Variants in GALNTL6 observed in about 807,000 individuals in gnomAD.
GALNTL6 encodes the protein polypeptide N-acetylgalactosaminyltransferase like 6.
Under a neutral mutation model 73.7 loss-of-function variants are expected in GALNTL6, and 46 were observed. That is an observed-to-expected ratio of 0.62 (90% CI 0.49 to 0.80). The LOEUF is 0.80. GALNTL6 is among the 30% of genes least tolerant of loss of function. The pLI is 0.00. For missense variants in GALNTL6, 604 were observed against 755.0 expected, an observed-to-expected ratio of 0.80 and a Z score of 2.34; for synonymous variants, 259 against 263.7, an observed-to-expected ratio of 0.98 and a Z score of 0.17.
chr4:172,108,474 A>G (rs10019010), intron 2 of GALNTL6, among the ~76,000 whole-genome samples: 60,978 of 151,964 alleles, frequency 0.4, 12,823 homozygotes, highest in African/African-American at 0.5. Flanking sequence ...CTAAACAGTC[A>G]GGAAGTCAAA....
At chr4:172,861,329 G>GTGTT (rs386402299) in intron 7 of GALNTL6, among the ~76,000 whole-genome samples, 1 of 150,544 alleles carries the variant, frequency 6.6e-6, no homozygotes, top group Non-Finnish European at 1.5e-5. Flanking sequence ...ATGTGTGTGT[G>GTGTT]TGTGTGTGTG....
At chr4:172,275,330 TTCTTACCATGTAG>T (rs1738790500) in intron 3 of GALNTL6, among the ~76,000 whole-genome samples, 1 of 152,234 alleles carries the variant, frequency 6.6e-6, no homozygotes, top group Non-Finnish European at 1.5e-5. Flanking sequence ...AAATAATTTA[TTCTTACCATGTAG>T]AATCACATTG....
chr4:172,262,848 A>T (rs1046587850), intron 3 of GALNTL6, among the ~76,000 whole-genome samples: 6 of 151,572 alleles, frequency 4.0e-5, no homozygotes, highest in African/African-American at 1.5e-4. Flanking sequence ...TGTTTGTCTG[A>T]AAAAAGTTTT....
chr4:172,307,654 T>TCAGTTGG (rs1474386409), intron 3 of GALNTL6, among the ~76,000 whole-genome samples: 1 of 152,200 alleles, frequency 6.6e-6, no homozygotes, highest in African/African-American at 2.4e-5. Flanking sequence ...TTGTCAAAAA[T>TCAGTTGG]CAGTTGGCTG....
At chr4:171,999,464 G>C (rs1414798181) in intron 2 of GALNTL6, among the ~76,000 whole-genome samples, 1 of 152,074 alleles carries the variant, frequency 6.6e-6, no homozygotes, top group Non-Finnish European at 1.5e-5. Flanking sequence ...TTAGATTATG[G>C]TCCAGTGACC....
At position 172,724,376 on chromosome 4, in the gene GALNTL6, C is replaced by G. The variant is rs76525676; in HGVS notation, c.554-84985C>G. Among the ~76,000 whole-genome samples the G allele has an allele frequency of 5.6e-3, 860 of 152,268 alleles. 7 individuals are homozygous for G. The highest frequency in any genetic ancestry group is 0.02 in the African/African-American group (820 of 41,558). The stretch of plus-strand genomic sequence containing the variant: ...ACAAGATACGCTTTTTCTCACGTAA[C>G]ATAAAATCTGGAAGTAAGGAAACTC... On this transcript the variant is annotated intron_variant, in intron 5 of 12. Transcript: ENST00000506823.
intron 10 of GALNTL6, among the ~76,000 whole-genome samples, chr4:172,988,751 C>A (rs1026157147): frequency 2.0e-5 from 3 of 152,260 alleles, no homozygotes; most frequent in African/African-American, 7.2e-5. Flanking sequence ...TCTTCTCCAG[C>A]TCCTGCTATA....
At chr4:172,040,257 AT>A in intron 2 of GALNTL6, among the ~76,000 whole-genome samples, 1 of 152,156 alleles carries the variant, frequency 6.6e-6, no homozygotes, top group East Asian at 1.9e-4. Flanking sequence ...TACTTACAAA[AT>A]AAATTTTAGA....
chr4:172,391,509 A>C (rs914553907), intron 5 of GALNTL6, among the ~76,000 whole-genome samples: 1 of 152,048 alleles, frequency 6.6e-6, no homozygotes, highest in South Asian at 2.1e-4. Flanking sequence ...CCTGGCTCAG[A>C]AGCCTCCTTC....
Position 172,466,987 on chromosome 4 carries a change from C to T in GALNTL6, c.553+118298C>T, listed in dbSNP as rs563695465. Among the ~76,000 whole-genome samples, 102 of 152,302 alleles carry T rather than the reference C, an allele frequency of 6.7e-4. 1 individual carries two copies. In the Middle Eastern group the frequency reaches 0.017, roughly 25 times the overall value. On this transcript the variant is annotated intron_variant, in intron 5 of 12. Coordinates refer to ENST00000506823, the MANE Select transcript of GALNTL6 (RefSeq NM_001034845.3). The stretch of plus-strand genomic sequence containing the variant: ...ACTGATTTTAGCTTAGAAACTTCCA[C>T]CTTGTATTATTAACTGTCTGGGAGG...
At chr4:172,159,075 C>T (rs1734373663) in intron 2 of GALNTL6, among the ~76,000 whole-genome samples, 1 of 152,114 alleles carries the variant, frequency 6.6e-6, no homozygotes, top group African/African-American at 2.4e-5. Context: ...TGTTGAGTAC[C>T]TATCAGGGCC....
At chr4:171,918,561 A>T (rs540226881) in intron 2 of GALNTL6, among the ~76,000 whole-genome samples, 285 of 152,282 alleles carry the variant, frequency 1.9e-3, no homozygotes, top group African/African-American at 6.5e-3. Context: ...AAAATGGTGC[A>T]GCCACTAAGG....
intron 5 of GALNTL6, among the ~76,000 whole-genome samples, chr4:172,592,233 G>A (rs943211592): frequency 3.3e-5 from 5 of 152,178 alleles, no homozygotes; most frequent in African/African-American, 1.2e-4. Flanking sequence ...CAAAGGAAAA[G>A]AGGGAAAACC....
intron 12 of GALNTL6, among the ~76,000 whole-genome samples, chr4:173,027,736 G>T (rs1753291276): frequency 6.6e-6 from 1 of 152,102 alleles, no homozygotes; most frequent in Non-Finnish European, 1.5e-5. Flanking sequence ...AAAGGAATAA[G>T]AATTGGAAAG....
intron 2 of GALNTL6, among the ~76,000 whole-genome samples, chr4:171,992,930 ACTTCT>A (rs1740381261): frequency 2.0e-5 from 3 of 152,096 alleles, no homozygotes; most frequent in Admixed American, 2.0e-4. Context: ...ATTTTCATCT[ACTTCT>A]TACATTTCAC....
At chr4:172,178,798 C>G (rs1165318877) in intron 2 of GALNTL6, among the ~76,000 whole-genome samples, 1 of 103,662 alleles carries the variant, frequency 9.6e-6, no homozygotes, top group Non-Finnish European at 1.9e-5. Context: ...AATGCTATCC[C>G]TCCCCCCTCC....
chr4:171,983,561 G>A (rs757168903), intron 2 of GALNTL6, among the ~76,000 whole-genome samples: 5 of 151,684 alleles, frequency 3.3e-5, no homozygotes, highest in East Asian at 1.9e-4. Context: ...GTGCCATCAC[G>A]GCTCATTATA....
chr4:171,962,765 C>T (rs377595316), intron 2 of GALNTL6, among the ~76,000 whole-genome samples: 4 of 113,798 alleles, frequency 3.5e-5, no homozygotes, highest in East Asian at 2.7e-4. Flanking sequence ...CTTGCTTTTA[C>T]TTTTTTTTTT....
chr4:171,879,907 G>C (rs977746671), intron 2 of GALNTL6, among the ~76,000 whole-genome samples: 11 of 152,060 alleles, frequency 7.2e-5, no homozygotes, highest in African/African-American at 2.7e-4. Context: ...TAAATATTTT[G>C]TTTGGGCAAG....
Sources: gnomAD v4.1 joint callset for allele counts (sites outside exome capture counted in the v4.1 genomes callset) on GRCh38, gnomAD v4.1.1 for gene constraint, MANE v1.5 for transcripts, NCBI Gene and HGNC (gene_info 2026-07-23, HGNC 2026-07-21) for gene names.